Variants in TRMT11 observed in about 807,000 individuals in gnomAD.
The protein encoded by TRMT11 is tRNA (guanine(10)-N(2))-methyltransferase TRMT11.
In TRMT11, 53 loss-of-function variants were observed where a neutral mutation model predicts 62.8. The observed-to-expected ratio is 0.84, with a 90% CI of 0.68 to 1.06. TRMT11 has a LOEUF of 1.06. Ranked by LOEUF, TRMT11 falls within the 50% of genes least tolerant of loss-of-function variation. TRMT11 has a pLI of 0.00. For missense variants in TRMT11, 556 were observed against 553.4 expected, an observed-to-expected ratio of 1.00 and a Z score of -0.05; for synonymous variants, 188 against 190.3, an observed-to-expected ratio of 0.99 and a Z score of 0.10.
At chr6:126,134,142 C>T (rs1777822625) in intron 21 of TRMT11, among the ~76,000 whole-genome samples, 1 of 151,702 alleles carries the variant, frequency 6.6e-6, no homozygotes, top group Non-Finnish European at 1.5e-5. Context: ...AGTAGTAAGG[C>T]CTAATGTATA....
intron 21 of TRMT11, among the ~76,000 whole-genome samples, chr6:126,149,717 G>A (rs999659604): frequency 7.0e-6 from 1 of 143,490 alleles, no homozygotes; most frequent in Non-Finnish European, 1.5e-5. Flanking sequence ...GTTTGAAGAG[G>A]GTATTGATTG....
At chr6:126,186,238 T>C (rs1778526398) in intron 1 of TRMT11, among the ~76,000 whole-genome samples, 1 of 152,296 alleles carries the variant, frequency 6.6e-6, no homozygotes, top group East Asian at 1.9e-4. Context: ...CTACTTATTT[T>C]GGTGAGACTG....
Position 126,021,132 on chromosome 6 carries a change from T to G in TRMT11, c.1140-28T>G. On this transcript the variant is annotated intron_variant, in intron 11 of 12. Coordinates refer to ENST00000334379, the MANE Select transcript of TRMT11 (RefSeq NM_001031712.3). ...CTTTGTGGCCCACACATGTGAGTGT[T>G]CCTAACAGTCAGCTGTTCTTTCTTC... 5 of 1,613,380 alleles carry G rather than the reference T, an allele frequency of 3.1e-6. No homozygotes were observed. The South Asian group carries it at 4.4e-5, about 14-fold the overall frequency.
chr6:126,091,724 A>C (rs1344583445), intron 17 of TRMT11, among the ~76,000 whole-genome samples: 1 of 152,200 alleles, frequency 6.6e-6, no homozygotes, highest in Non-Finnish European at 1.5e-5. Context: ...TATTGTTTGC[A>C]TAGAAGCCTA....
intron 21 of TRMT11, among the ~76,000 whole-genome samples, chr6:126,154,400 C>T (rs1778094175): frequency 6.6e-6 from 1 of 151,802 alleles, no homozygotes; most frequent in African/African-American, 2.4e-5. Flanking sequence ...AAGTGACTTT[C>T]TGACGGGTGA....
chr6:126,272,195 C>T, the TRMT11 span, among the ~76,000 whole-genome samples: 1 of 152,130 alleles, frequency 6.6e-6, no homozygotes, highest in Non-Finnish European at 1.5e-5. Flanking sequence ...TTGGACAGAG[C>T]ATGCTCTATA....
chr6:126,242,723 T>C, the TRMT11 span, among the ~76,000 whole-genome samples: 6 of 152,238 alleles, frequency 3.9e-5, no homozygotes, highest in Middle Eastern at 6.8e-3. Flanking sequence ...GGAAAACTGG[T>C]TAGCCATATG....
intron 17 of TRMT11, among the ~76,000 whole-genome samples, chr6:126,090,144 C>A (rs938585426): frequency 1.3e-5 from 2 of 152,216 alleles, no homozygotes; most frequent in African/African-American, 4.8e-5. Context: ...CTAAACTTTT[C>A]TTTGCACCCC....
the TRMT11 span, among the ~76,000 whole-genome samples, chr6:126,215,216 T>C: frequency 6.6e-6 from 1 of 152,072 alleles, no homozygotes; most frequent in Non-Finnish European, 1.5e-5. Flanking sequence ...TGGCCTAGGA[T>C]GCAGATTAAG....
chr6:126,086,419 C>T (rs955658794), intron 17 of TRMT11, among the ~76,000 whole-genome samples: 1 of 152,174 alleles, frequency 6.6e-6, no homozygotes, highest in African/African-American at 2.4e-5. Context: ...CCATACCTAT[C>T]CTTATCAAGT....
chr6:126,114,046 C>A (rs1203954899), intron 18 of TRMT11, among the ~76,000 whole-genome samples: 1 of 151,952 alleles, frequency 6.6e-6, no homozygotes, highest in African/African-American at 2.4e-5. Context: ...CTAGCACATT[C>A]AAAAATATTT....
At chr6:126,257,573 C>T in the TRMT11 span, among the ~76,000 whole-genome samples, 1 of 152,124 alleles carries the variant, frequency 6.6e-6, no homozygotes, top group African/African-American at 2.4e-5. Context: ...GTTTGAGAAG[C>T]ACTGGTAGTA....
intron 1 of TRMT11, among the ~76,000 whole-genome samples, chr6:125,992,878 T>G (rs539317746): frequency 6.6e-6 from 1 of 152,322 alleles, no homozygotes; most frequent in South Asian, 2.1e-4. Flanking sequence ...CACTGAATTT[T>G]AAAAAATGAT....
chr6:125,991,687 T>C (rs1768683791), intron 1 of TRMT11, among the ~76,000 whole-genome samples: 1 of 152,210 alleles, frequency 6.6e-6, no homozygotes, highest in African/African-American at 2.4e-5. Context: ...TGGGCCCAGC[T>C]ACTGCATTAG....
At chr6:126,209,542 A>AAC in the TRMT11 span, among the ~76,000 whole-genome samples, 1 of 151,326 alleles carries the variant, frequency 6.6e-6, no homozygotes, top group South Asian at 2.1e-4. Context: ...AACACGGTGA[A>AAC]ACCCCGTCTC....
At chr6:126,160,895 T>G (rs1448015480) in intron 21 of TRMT11, among the ~76,000 whole-genome samples, 2 of 152,066 alleles carry the variant, frequency 1.3e-5, no homozygotes, top group African/African-American at 2.4e-5. Flanking sequence ...AACTCCTATT[T>G]AGACAATTTT....
intron 11 of TRMT11, among the ~76,000 whole-genome samples, chr6:126,013,625 G>A (rs139805205): frequency 1.4e-4 from 21 of 152,234 alleles, no homozygotes; most frequent in African/African-American, 4.8e-4. Context: ...GGCAAACCAC[G>A]GCCTATGGGC....
At chr6:126,188,910 AT>A (rs1296333035) in intron 1 of TRMT11, among the ~76,000 whole-genome samples, 1 of 152,192 alleles carries the variant, frequency 6.6e-6, no homozygotes, top group Non-Finnish European at 1.5e-5. Flanking sequence ...TAGCTATTAT[AT>A]TCAAATCAGC....
intron 8 of TRMT11, among the ~76,000 whole-genome samples, chr6:126,010,442 C>T (rs895431284): frequency 3.3e-5 from 5 of 151,924 alleles, no homozygotes; most frequent in African/African-American, 1.2e-4. Context: ...TGTCGTTCTT[C>T]TTTTGATTTT....
Sources: gnomAD v4.1 joint callset for allele counts (sites outside exome capture counted in the v4.1 genomes callset) on GRCh38, gnomAD v4.1.1 for gene constraint, MANE v1.5 for transcripts, NCBI Gene and HGNC (gene_info 2026-07-23, HGNC 2026-07-21) for gene names.